PDZRN3: variants seen among roughly 807,000 people sequenced by gnomAD.
The protein encoded by PDZRN3 is PDZ domain containing ring finger 3.
PDZRN3 carries 38 observed loss-of-function variants against 85.7 expected under a neutral mutation model. The observed-to-expected ratio is 0.44, with a 90% CI of 0.34 to 0.58. The LOEUF (loss-of-function observed/expected upper bound fraction) is 0.58. Among genes scored for constraint, PDZRN3 ranks in the 20% least tolerant of loss-of-function variants. PDZRN3 has a pLI of 0.01. For missense variants in PDZRN3, 1,629 were observed against 1,506.4 expected (o/e 1.08, Z -1.35); for synonymous variants, 759 against 638.0 (o/e 1.19, Z -2.86).
Position 73,433,604 on chromosome 3 carries a change from TA to T in PDZRN3, c.919-29210del, listed in dbSNP as rs772967544. On this transcript the variant is annotated intron_variant, in intron 3 of 9. Coordinates refer to ENST00000263666, the MANE Select transcript of PDZRN3 (RefSeq NM_015009.3). ...AGTTACACTTGGCCAGGTGGGTGCC[TA>T]TGCACTTCTATGGAATAAAATGCAG... is the stretch of plus-strand genomic sequence containing the variant. The T allele has an allele frequency of 5.1e-5, 71 of 1,397,814 alleles. No individual in the cohort carries two copies. The African/African-American group carries it at 7.5e-4, about 15-fold the overall frequency. 86.6% of individuals were successfully genotyped at this position (1,397,814 alleles called of 1,614,324 possible).
chr3:73,404,075 C>G, intron 4 of PDZRN3, 73 bp downstream of exon 4: 1 of 1,447,464 alleles, frequency 6.9e-7, no homozygotes, highest in South Asian at 1.3e-5. Context: ...ATTTTTTTCA[C>G]CACATAGAAG....
At chr3:73,410,184 T>TAAAAA (rs1350269514) in intron 3 of PDZRN3, among the ~76,000 whole-genome samples, 2 of 152,032 alleles carry the variant, frequency 1.3e-5, no homozygotes, top group East Asian at 3.8e-4. Flanking sequence ...TTAGGTTGGA[T>TAAAAA]AAAAAAAAGT....
intron 3 of PDZRN3, among the ~76,000 whole-genome samples, chr3:73,457,372 C>A (rs925945164): frequency 6.6e-6 from 1 of 152,022 alleles, no homozygotes; most frequent in African/African-American, 2.4e-5. Context: ...CGTGCCCGGC[C>A]GTACCTTAGC....
At chr3:73,433,129 C>T (rs1008395185) in intron 3 of PDZRN3, among the ~76,000 whole-genome samples, 6 of 152,152 alleles carry the variant, frequency 3.9e-5, no homozygotes, top group African/African-American at 1.2e-4. Context: ...GACAGAGGTA[C>T]AGAAATGGCA....
chr3:73,441,178 G>C (rs1225232782), intron 3 of PDZRN3, among the ~76,000 whole-genome samples: 1 of 152,114 alleles, frequency 6.6e-6, no homozygotes, highest in Non-Finnish European at 1.5e-5. Flanking sequence ...ACTTTGGGAG[G>C]CCGAGGCGGG....
chr3:73,608,160 A>G (rs1702630737), intron 2 of PDZRN3, among the ~76,000 whole-genome samples: 1 of 152,168 alleles, frequency 6.6e-6, no homozygotes, highest in Non-Finnish European at 1.5e-5. Context: ...AGTCACCCAC[A>G]AATTAGAGAA....
At chr3:73,509,833 G>A (rs1313147709) in intron 3 of PDZRN3, among the ~76,000 whole-genome samples, 1 of 152,156 alleles carries the variant, frequency 6.6e-6, no homozygotes, top group Non-Finnish European at 1.5e-5. Context: ...ACGGGCGGGC[G>A]GCTCTTCTCT....
intron 3 of PDZRN3, among the ~76,000 whole-genome samples, chr3:73,493,338 A>G (rs1441344528): frequency 6.6e-6 from 1 of 152,208 alleles, no homozygotes; most frequent in Non-Finnish European, 1.5e-5. Context: ...AACTGGGAAG[A>G]GAGACAGTGA....
chr3:73,556,043 A>G (rs1701688028), intron 3 of PDZRN3, among the ~76,000 whole-genome samples: 1 of 152,088 alleles, frequency 6.6e-6, no homozygotes. Flanking sequence ...CCACCTCCCA[A>G]TTTTCTTTCC....
intron 3 of PDZRN3, among the ~76,000 whole-genome samples, chr3:73,438,264 T>A (rs764030066): frequency 7.9e-5 from 12 of 152,222 alleles, no homozygotes; most frequent in Admixed American, 2.0e-4. Flanking sequence ...TCCCTCATAA[T>A]CGTTCTTTGA....
At chr3:73,489,641 C>T (rs565423357) in intron 3 of PDZRN3, among the ~76,000 whole-genome samples, 3 of 124,132 alleles carry the variant, frequency 2.4e-5, no homozygotes, top group Non-Finnish European at 3.1e-5. Context: ...GGCATGATTT[C>T]GGCTCACTGC....
chr3:73,397,214 T>TC (rs990986503), intron 5 of PDZRN3, among the ~76,000 whole-genome samples: 4 of 152,038 alleles, frequency 2.6e-5, no homozygotes, highest in Admixed American at 2.0e-4. Context: ...CATCTGTTTT[T>TC]CTCTGTGCAT....
chr3:73,562,031 C>T (rs1001759138), intron 3 of PDZRN3, among the ~76,000 whole-genome samples: 2 of 151,684 alleles, frequency 1.3e-5, no homozygotes, highest in African/African-American at 4.8e-5. Context: ...TCAACACTTA[C>T]TAGGAAATTC....
chr3:73,578,035 G>C (rs993456144), intron 3 of PDZRN3, among the ~76,000 whole-genome samples: 2 of 152,152 alleles, frequency 1.3e-5, no homozygotes, highest in Non-Finnish European at 2.9e-5. Flanking sequence ...GAAGTTTGCC[G>C]ATCTCTGTCC....
chr3:73,603,991 C>A (rs1158687128), intron 2 of PDZRN3, among the ~76,000 whole-genome samples: 1 of 152,068 alleles, frequency 6.6e-6, no homozygotes, highest in Non-Finnish European at 1.5e-5. Context: ...TGACATTTAT[C>A]CCCACATGAC....
chr3:73,486,113 A>G (rs1387199409), intron 3 of PDZRN3, among the ~76,000 whole-genome samples: 1 of 152,246 alleles, frequency 6.6e-6, no homozygotes, highest in Admixed American at 6.5e-5. Context: ...GCTGGGAAAG[A>G]GCACGCTGCA....
rs1279022798 is a variant in PDZRN3, at chr3:73,382,507, TA to T, written c.*857del. The T allele has an allele frequency of 1.3e-5, 2 of 152,534 alleles. No homozygotes were observed. Among genetic ancestry groups the T allele is most frequent in the Admixed American group, 6.5e-5 (1 of 15,274 alleles). 9.4% of individuals were successfully genotyped at this position (152,534 alleles called of 1,614,324 possible). On this transcript the variant is annotated 3_prime_UTR_variant, in exon 10 of 10. Coordinates refer to ENST00000263666, the MANE Select transcript of PDZRN3 (RefSeq NM_015009.3). Reference sequence around the variant, plus strand: ...ACATCAAAACATATCAAATAGAAAATAATAATTTATTTTAACTTCATTTTAC... The same window carrying T: ...ACATCAAAACATATCAAATAGAAAATATAATTTATTTTAACTTCATTTTAC...
intron 2 of PDZRN3, among the ~76,000 whole-genome samples, chr3:73,606,411 T>C (rs969397192): frequency 1.3e-5 from 2 of 152,152 alleles, no homozygotes; most frequent in African/African-American, 4.8e-5. Flanking sequence ...TGGAGCCAAA[T>C]GTCTAGATAT....
chr3:73,442,264 C>T (rs1443066960), intron 3 of PDZRN3, among the ~76,000 whole-genome samples: 4 of 152,072 alleles, frequency 2.6e-5, no homozygotes, highest in East Asian at 1.9e-4. Flanking sequence ...GGTGAACACT[C>T]GAGACAGAGG....
Sources: allele counts gnomAD v4.1 joint callset (sites outside exome capture counted in the v4.1 genomes callset), GRCh38; gene constraint gnomAD v4.1.1; transcripts MANE v1.5; gene names NCBI Gene and HGNC (gene_info 2026-07-23, HGNC 2026-07-21).